The following SDK1 variants were observed in gnomAD, a reference collection of about 807,000 sequenced individuals.
The protein encoded by SDK1 is protein sidekick-1.
Under a neutral mutation model 245.5 loss-of-function variants are expected in SDK1, and 157 were observed. That is an observed-to-expected ratio of 0.64 (90% CI 0.56 to 0.73). The LOEUF is 0.73. SDK1 is among the 30% of genes least tolerant of loss of function. The pLI is 0.00. For synonymous variants in SDK1, 1,647 were observed against 1,278.5 expected, an observed-to-expected ratio of 1.29 and a Z score of -6.15; for missense variants, 3,583 against 3,002.3, an observed-to-expected ratio of 1.19 and a Z score of -4.52.
At chr7:4,206,331 C>A (rs2128227279) in intron 36 of SDK1, among the ~76,000 whole-genome samples, 1 of 152,304 alleles carries the variant, frequency 6.6e-6, no homozygotes, top group African/African-American at 2.4e-5. Flanking sequence ...ATTCTGGAGC[C>A]CCCAGTACAT....
intron 1 of SDK1, among the ~76,000 whole-genome samples, chr7:3,567,351 C>A (rs1462749939): frequency 6.6e-6 from 1 of 152,136 alleles, no homozygotes; most frequent in African/African-American, 2.4e-5. Flanking sequence ...GAGTAAATGC[C>A]TAGTCAGTAG....
At chr7:3,971,244 T>G (rs1205583927) in intron 11 of SDK1, among the ~76,000 whole-genome samples, 2 of 152,084 alleles carry the variant, frequency 1.3e-5, no homozygotes, top group African/African-American at 4.8e-5. Flanking sequence ...TAAAGCTGAT[T>G]TAGGAGGGGT....
chr7:4,241,770 C>G (rs774423642), intron 42 of SDK1, 23 bp from the exon 43 acceptor site: 1 of 1,613,898 alleles, frequency 6.2e-7, no homozygotes, highest in Non-Finnish European at 8.5e-7. Context: ...CACGTCTGTT[C>G]TCACTCTCCT....
chr7:3,696,887 G>A (rs999456585), intron 4 of SDK1, among the ~76,000 whole-genome samples: 4 of 151,630 alleles, frequency 2.6e-5, no homozygotes, highest in African/African-American at 9.7e-5. Flanking sequence ...GGAGACCTCT[G>A]ATATTTACCA....
intron 1 of SDK1, among the ~76,000 whole-genome samples, chr7:3,526,757 A>G (rs1469409703): frequency 1.3e-5 from 2 of 152,146 alleles, no homozygotes; most frequent in African/African-American, 4.8e-5. Flanking sequence ...ACAGCTGCGA[A>G]GAGCCATGGA....
chr7:4,195,946 A>T (rs1783552402), intron 35 of SDK1, among the ~76,000 whole-genome samples: 1 of 152,096 alleles, frequency 6.6e-6, no homozygotes, highest in African/African-American at 2.4e-5. Flanking sequence ...TCTCTCCACC[A>T]CACCCACGCA....
intron 4 of SDK1, among the ~76,000 whole-genome samples, chr7:3,695,741 T>C (rs987573165): frequency 6.6e-6 from 1 of 152,206 alleles, no homozygotes; most frequent in African/African-American, 2.4e-5. Context: ...GCACTTATTA[T>C]TCCGGTGACA....
chr7:3,737,528 G>C (rs1278676214), intron 4 of SDK1, among the ~76,000 whole-genome samples: 1 of 152,254 alleles, frequency 6.6e-6, no homozygotes, highest in Non-Finnish European at 1.5e-5. Context: ...ATGGTGGGCA[G>C]AGCTGGTGAC....
intron 1 of SDK1, among the ~76,000 whole-genome samples, chr7:3,443,151 T>C (rs566298718): frequency 5.3e-5 from 8 of 152,270 alleles, no homozygotes; most frequent in African/African-American, 1.9e-4. Context: ...AGATATTTTA[T>C]GTTCTATATA....
At chr7:3,382,274 A>G (rs1325631920) in intron 1 of SDK1, among the ~76,000 whole-genome samples, 1 of 151,936 alleles carries the variant, frequency 6.6e-6, no homozygotes, top group Non-Finnish European at 1.5e-5. Flanking sequence ...CCCACCCTTT[A>G]TCCCCATTTT....
At chr7:4,030,839 C>T (rs1354756907) in intron 17 of SDK1, among the ~76,000 whole-genome samples, 1 of 152,128 alleles carries the variant, frequency 6.6e-6, no homozygotes, top group Non-Finnish European at 1.5e-5. Flanking sequence ...CGTAGGGCCT[C>T]CTTTAAAGAA....
intron 19 of SDK1, among the ~76,000 whole-genome samples, chr7:4,061,214 T>G (rs980111638): frequency 1.3e-5 from 2 of 152,056 alleles, no homozygotes; most frequent in Non-Finnish European, 2.9e-5. Flanking sequence ...TGGCATTGAA[T>G]CTATAAATTA....
At position 4,084,721 on chromosome 7, in the gene SDK1, G is replaced by GT. The variant is rs552151740; in HGVS notation, c.3324+5139dup. On this transcript the variant is annotated intron_variant, in intron 22 of 44. Coordinates refer to ENST00000404826, the MANE Select transcript of SDK1 (RefSeq NM_152744.4). Reference sequence around the variant, plus strand: ...GTTATGTTATGTTATGTTATGTTATGTTATGTTATGTTGTTACTTAAATGT... The same window carrying GT: ...GTTATGTTATGTTATGTTATGTTATGTTTATGTTATGTTGTTACTTAAATGT... 1.1e-3 allele frequency among the ~76,000 whole-genome samples: 110 copies of GT among 98,626 alleles called. 2 individuals are homozygous for GT. The highest frequency in any genetic ancestry group is 8.1e-3 in the Admixed American group (93 of 11,524). 64.7% of individuals were successfully genotyped at this position (98,626 alleles called of 152,430 possible). A position where few individuals can be genotyped will look rare whatever the true frequency, so the allele number is the denominator to read the frequency against.
intron 1 of SDK1, among the ~76,000 whole-genome samples, chr7:3,344,422 T>C (rs1562428118): frequency 6.6e-6 from 1 of 152,146 alleles, no homozygotes; most frequent in East Asian, 1.9e-4. Flanking sequence ...TATAAGAAAA[T>C]TCCGACTTAC....
intron 34 of SDK1, among the ~76,000 whole-genome samples, chr7:4,177,483 C>A (rs534943512): frequency 2.0e-5 from 3 of 152,328 alleles, no homozygotes; most frequent in African/African-American, 7.2e-5. Context: ...TCCCAGGACA[C>A]GGCCGCTAAG....
intron 1 of SDK1, among the ~76,000 whole-genome samples, chr7:3,617,614 T>A (rs1021379047): frequency 6.6e-6 from 1 of 152,190 alleles, no homozygotes; most frequent in Non-Finnish European, 1.5e-5. Context: ...TGGCAGTTCA[T>A]CTGGGGAGGC....
intron 38 of SDK1, among the ~76,000 whole-genome samples, 175 bp downstream of exon 38, chr7:4,210,337 G>C (rs139367625): frequency 6.6e-6 from 1 of 152,186 alleles, no homozygotes; most frequent in Admixed American, 6.5e-5. Context: ...CGAGGGGAGC[G>C]GGGACTCGCG....
intron 2 of SDK1, among the ~76,000 whole-genome samples, chr7:3,625,014 G>A (rs997998163): frequency 1.2e-4 from 19 of 152,034 alleles, no homozygotes; most frequent in Admixed American, 2.0e-4. Flanking sequence ...ACTCCAGCCT[G>A]GGCAACAAGA....
At chr7:3,513,147 G>A (rs1046110056) in intron 1 of SDK1, among the ~76,000 whole-genome samples, 2 of 152,144 alleles carry the variant, frequency 1.3e-5, no homozygotes, top group South Asian at 2.1e-4. Context: ...CAGTTACTGA[G>A]CTCTATGTCT....
Sources: gnomAD v4.1 joint callset for allele counts (sites outside exome capture counted in the v4.1 genomes callset) on GRCh38, gnomAD v4.1.1 for gene constraint, MANE v1.5 for transcripts, NCBI Gene and HGNC (gene_info 2026-07-23, HGNC 2026-07-21) for gene names.